NFKB1: variants seen among roughly 807,000 people sequenced by gnomAD.
The protein encoded by NFKB1 is nuclear factor NF-kappa-B p105 subunit.
A neutral mutation model predicts 105.1 loss-of-function variants in NFKB1; 9 were observed. The ratio of observed to expected loss-of-function variants is 0.09; its 90% confidence interval spans 0.05 to 0.15. The LOEUF is 0.15. NFKB1 is among the 10% of genes least tolerant of loss of function. The pLI, the probability that NFKB1 is intolerant of heterozygous loss-of-function variation, is 1.00. For missense variants in NFKB1, 830 were observed against 1,203.7 expected, an observed-to-expected ratio of 0.69 and a Z score of 4.59; for synonymous variants, 440 against 442.2, an observed-to-expected ratio of 1.00 and a Z score of 0.06.
intron 3 of NFKB1, among the ~76,000 whole-genome samples, chr4:102,531,511 T>G (rs1473118969): frequency 6.6e-6 from 1 of 152,174 alleles, no homozygotes; most frequent in Non-Finnish European, 1.5e-5. Flanking sequence ...ATTTTAGTCT[T>G]CTAGATTTTT....
At chr4:102,516,961 C>T (rs1459891282) in intron 1 of NFKB1, among the ~76,000 whole-genome samples, 1 of 152,144 alleles carries the variant, frequency 6.6e-6, no homozygotes, top group Non-Finnish European at 1.5e-5. Context: ...TGTCTTTCCA[C>T]CCTGGATTAT....
chr4:102,523,112 C>G (rs1578718103), intron 1 of NFKB1, among the ~76,000 whole-genome samples: 1 of 152,194 alleles, frequency 6.6e-6, no homozygotes, highest in East Asian at 1.9e-4. Flanking sequence ...GTCATTTTTA[C>G]AGATGAAGAA....
At chr4:102,563,612 A>G (rs974838141) in intron 5 of NFKB1, among the ~76,000 whole-genome samples, 1 of 152,152 alleles carries the variant, frequency 6.6e-6, no homozygotes, top group Non-Finnish European at 1.5e-5. Flanking sequence ...AGTCCTCACA[A>G]CAACCCTTTG....
chr4:102,535,819 A>T (rs1741599201), intron 4 of NFKB1, among the ~76,000 whole-genome samples: 1 of 151,998 alleles, frequency 6.6e-6, no homozygotes, highest in African/African-American at 2.4e-5. Context: ...ATACGTGTCT[A>T]TATTTTTCCA....
At chr4:102,589,584 T>C (rs543428294) in intron 11 of NFKB1, among the ~76,000 whole-genome samples, 46 of 152,202 alleles carry the variant, frequency 3.0e-4, no homozygotes, top group Middle Eastern at 3.4e-3. Context: ...AGTTAGATGA[T>C]CATGAGATAA....
intron 16 of NFKB1, among the ~76,000 whole-genome samples, chr4:102,605,517 A>G (rs3755867): frequency 0.33 from 49,756 of 152,084 alleles, 8,450 homozygotes; most frequent in Admixed American, 0.42. Flanking sequence ...ACTGATTTGT[A>G]TAAAGATACA....
intron 5 of NFKB1, among the ~76,000 whole-genome samples, chr4:102,542,241 T>C (rs1032554305): frequency 1.3e-5 from 2 of 152,148 alleles, no homozygotes; most frequent in South Asian, 4.1e-4. Flanking sequence ...CCTCTTACCA[T>C]GTTGAGATTA....
At chr4:102,502,894 C>T (rs963319237) in intron 1 of NFKB1, among the ~76,000 whole-genome samples, 7 of 152,236 alleles carry the variant, frequency 4.6e-5, no homozygotes, top group Admixed American at 2.6e-4. Flanking sequence ...ATTCTACATA[C>T]TGGTGATCTT....
At chr4:102,513,686 T>G (rs903727105) in intron 1 of NFKB1, among the ~76,000 whole-genome samples, 4 of 152,192 alleles carry the variant, frequency 2.6e-5, no homozygotes, top group African/African-American at 9.6e-5. Flanking sequence ...CTCCCCCAAT[T>G]TAACAGTTTT....
At chr4:102,584,850 ATATTTTATTT>A (rs751531962) in intron 11 of NFKB1, 30 bp downstream of exon 11, 4 of 1,558,092 alleles carry the variant, frequency 2.6e-6, no homozygotes, top group Non-Finnish European at 3.5e-6. Flanking sequence ...TCTTATGCTC[ATATTTTATTT>A]TATTTTATTT....
intron 6 of NFKB1, among the ~76,000 whole-genome samples, chr4:102,569,135 TTCTA>T (rs1394119875): frequency 6.6e-5 from 10 of 152,144 alleles, no homozygotes; most frequent in Admixed American, 5.2e-4. Context: ...ATTCATTTGT[TTCTA>T]TCTCTCTCTA....
In NFKB1 at chr4:102,616,653, C is replaced by G; in HGVS notation, c.*59C>G. Reference sequence around the variant, plus strand: ...AGCCCTAAAATTCCACTGCGTTGTCCACAAGACAGAAGCTGAAGTGCATCC... The same window carrying G: ...AGCCCTAAAATTCCACTGCGTTGTCGACAAGACAGAAGCTGAAGTGCATCC... On this transcript the variant is annotated 3_prime_UTR_variant, in exon 24 of 24. Coordinates refer to ENST00000226574, the MANE Select transcript of NFKB1 (RefSeq NM_003998.4). The G allele has an allele frequency of 1.9e-6, 3 of 1,562,628 alleles. No homozygotes were observed. Among genetic ancestry groups the G allele is most frequent in the Middle Eastern group, 1.7e-4 (1 of 5,886 alleles).
chr4:102,566,947 A>G, intron 5 of NFKB1, 40 bp from the exon 6 acceptor site: 2 of 1,607,728 alleles, frequency 1.2e-6, no homozygotes, highest in Non-Finnish European at 1.7e-6. Context: ...GTTGCTGGAG[A>G]GTCAGATATG....
rs1729023868 is a variant in NFKB1, at chr4:102,617,255, TTTTTA to T, written c.*667_*671del. The T allele has an allele frequency of 6.6e-6, 1 of 152,662 alleles. No individual in the cohort carries two copies. Among genetic ancestry groups the T allele is most frequent in the Non-Finnish European group, 1.5e-5 (1 of 68,034 alleles). 9.5% of individuals were successfully genotyped at this position (152,662 alleles called of 1,614,324 possible). On this transcript the variant is annotated 3_prime_UTR_variant, in exon 24 of 24. Transcript: ENST00000226574. ...AAAATGTTGGATTTATAAATGCTAT[TTTTTA>T]TTTTACTTTTATAATAAAAGGAAAA... is the stretch of plus-strand genomic sequence containing the variant.
Position 102,610,643 on chromosome 4 carries a change from G to C in NFKB1, c.2296G>C (p.Glu766Gln). The change falls in exon 20 of 24, where the codon GAG becomes CAG. Residue 766 changes from glutamate to glutamine, a missense_variant. By Grantham distance (29) the Glu-to-Gln change is conservative (BLOSUM62 2). This residue lies in a region of NFKB1 where 418 missense variants were observed against 575.3 expected (regional missense o/e 0.73). Coordinates refer to ENST00000226574, the MANE Select transcript of NFKB1 (RefSeq NM_003998.4). ...GGATGACTCTTGGGAAAATGCAGGA[G>C]AGGATGAAGGAGTTGTGCCTGGAAC... ...DLDDSWENAG[E>Q]DEGVVPGTTP... 6.2e-7 allele frequency: 1 copy of C among 1,614,130 alleles called. No individual in the cohort carries two copies. The highest frequency in any genetic ancestry group is 8.5e-7 in the Non-Finnish European group (1 of 1,179,994).
intron 5 of NFKB1, among the ~76,000 whole-genome samples, chr4:102,546,912 TAA>T (rs750125657): frequency 9.2e-5 from 14 of 152,134 alleles, no homozygotes; most frequent in Non-Finnish European, 8.8e-5. Context: ...GATTCAGAGT[TAA>T]GTGTATGCTC....
rs1431551453 is a variant in NFKB1 at position 102,512,371 on chromosome 4, TGTG to T, written c.-8+10587_-8+10589del. Among the ~76,000 whole-genome samples the T allele has an allele frequency of 3.9e-5, 6 of 152,256 alleles. No individual in the cohort carries two copies. In the East Asian group the frequency reaches 1.2e-3, roughly 29 times the overall value. ...TTTGTTTTGTTTGTTTGTTTTGAGA[TGTG>T]GTGTCGCTCTGTCACACAGGCTGGA... On this transcript the variant is annotated intron_variant, in intron 1 of 23. Transcript: ENST00000226574.
chr4:102,611,439 C>T (rs192007076), intron 20 of NFKB1, among the ~76,000 whole-genome samples: 263 of 152,334 alleles, frequency 1.7e-3, no homozygotes, highest in African/African-American at 5.9e-3. Context: ...AGTGACCCCA[C>T]GCTCTCCTTA....
At chr4:102,557,521 G>A (rs1578759017) in intron 5 of NFKB1, among the ~76,000 whole-genome samples, 1 of 152,242 alleles carries the variant, frequency 6.6e-6, no homozygotes, top group East Asian at 1.9e-4. Flanking sequence ...CCCTGATAAA[G>A]TCCTGTGGGG....
Sources: gnomAD v4.1 joint callset for allele counts (sites outside exome capture counted in the v4.1 genomes callset) on GRCh38, gnomAD v4.1.1 for gene constraint, gnomAD v4.1.1 regional missense constraint, MANE v1.5 for transcripts, NCBI Gene and HGNC (gene_info 2026-07-23, HGNC 2026-07-21) for gene names.